Variants in CRACDL observed in about 807,000 individuals in gnomAD.
CRACDL encodes CRACD like.
A neutral mutation model predicts 70.6 loss-of-function variants in CRACDL; 26 were observed. The ratio of observed to expected loss-of-function variants is 0.37; its 90% CI spans 0.27 to 0.51. The LOEUF (loss-of-function observed/expected upper bound fraction) is 0.51, where lower values mean the gene tolerates loss of function less well. Ranked by LOEUF, CRACDL falls within the 20% of genes least tolerant of loss-of-function variation. The pLI, the probability that CRACDL is intolerant of heterozygous loss-of-function variation, is 0.94. For missense variants in CRACDL, 1,283 were observed against 1,376.9 expected, an observed-to-expected ratio of 0.93 and a Z score of 1.08; for synonymous variants, 618 against 615.2, an observed-to-expected ratio of 1.00 and a Z score of -0.07.
intron 1 of CRACDL, among the ~76,000 whole-genome samples, chr2:98,925,975 T>C (rs1708901551): frequency 6.6e-6 from 1 of 152,168 alleles, no homozygotes; most frequent in Non-Finnish European, 1.5e-5. Context: ...GCCTGGATTA[T>C]CCAGTATTTA....
intron 7 of CRACDL, among the ~76,000 whole-genome samples, chr2:98,817,147 T>C (rs982064927): frequency 3.3e-5 from 5 of 152,026 alleles, no homozygotes; most frequent in Admixed American, 6.6e-5. Flanking sequence ...AAATCTAAAA[T>C]AGTCAAATTC....
chr2:98,930,119 C>T (rs1453519940), intron 1 of CRACDL, among the ~76,000 whole-genome samples: 1 of 152,086 alleles, frequency 6.6e-6, no homozygotes, highest in Non-Finnish European at 1.5e-5. Flanking sequence ...AGAACCATCC[C>T]TGTGTCTCTC....
intron 1 of CRACDL, among the ~76,000 whole-genome samples, chr2:98,934,074 C>G (rs1191793078): frequency 6.6e-6 from 1 of 152,140 alleles, no homozygotes; most frequent in African/African-American, 2.4e-5. Context: ...CTCTTAATAC[C>G]ATCACCTTGA....
At chr2:98,893,066 G>A (rs1377206011) in intron 1 of CRACDL, among the ~76,000 whole-genome samples, 1 of 152,184 alleles carries the variant, frequency 6.6e-6, no homozygotes, top group African/African-American at 2.4e-5. Flanking sequence ...CTTCGGCCCA[G>A]AAAGGCCCTT....
chr2:98,822,955 C>G lies in CRACDL; in HGVS notation c.1318G>C (p.Glu440Gln), dbSNP rs2104469783. 3 of 1,464,870 alleles carry G rather than the reference C, an allele frequency of 2.0e-6. No individual in the cohort carries two copies. The highest frequency in any genetic ancestry group is 2.8e-5 in the South Asian group (2 of 72,496). The allele number at this position is 1,464,870 out of a possible 1,614,324, so 90.7% of individuals were successfully genotyped here. A position where few individuals can be genotyped will look rare whatever the true frequency, so the allele number is the denominator to read the frequency against. ...GPERSVPKEA[E>Q]PTPPVLPDEE... ...TCCGGGAGCACGGGCGGCGTCGGCTCCGCTTCCTTCGGGACACTGCGTTCT... is the reference window on the plus strand; with the variant it reads ...TCCGGGAGCACGGGCGGCGTCGGCTGCGCTTCCTTCGGGACACTGCGTTCT... Residue 440 changes from glutamate to glutamine, a missense_variant, in exon 7 of 10, where the codon GAG becomes CAG. Physicochemically the swap from Glu to Gln is conservative, Grantham distance 29 (BLOSUM62 2). Around this residue, in one of 2 missense-constraint regions of CRACDL, gnomAD observed 921 missense variants for 881.9 expected, o/e 1.04. Transcript: ENST00000397899. This position sits in a 1 kb window ranked among gnomAD's most constrained non-coding sequence, Gnocchi z 4.9.
intron 1 of CRACDL, among the ~76,000 whole-genome samples, chr2:98,935,000 A>G (rs894261709): frequency 6.6e-6 from 1 of 152,126 alleles, no homozygotes; most frequent in African/African-American, 2.4e-5. Context: ...TATAACCTCA[A>G]TAGGTTCTTA....
chr2:98,809,106 G>C (rs1322300123), intron 7 of CRACDL, among the ~76,000 whole-genome samples: 1 of 152,170 alleles, frequency 6.6e-6, no homozygotes, highest in Non-Finnish European at 1.5e-5. Flanking sequence ...TTTTAATTCA[G>C]TAATTAAAAT....
At chr2:98,917,814 T>A (rs916504168) in intron 1 of CRACDL, among the ~76,000 whole-genome samples, 16 of 152,208 alleles carry the variant, frequency 1.1e-4, no homozygotes, top group African/African-American at 3.9e-4. Context: ...TGTCTATCAT[T>A]CCACGCTCTA....
chr2:98,806,112 G>C (rs184974672), intron 7 of CRACDL, among the ~76,000 whole-genome samples: 3 of 152,320 alleles, frequency 2.0e-5, no homozygotes, highest in Admixed American at 6.5e-5. Flanking sequence ...GGGGTGGGGT[G>C]AGTGTCAGTC....
chr2:98,818,924 A>G (rs1438076036), intron 7 of CRACDL, among the ~76,000 whole-genome samples: 4 of 152,180 alleles, frequency 2.6e-5, no homozygotes, highest in Non-Finnish European at 4.4e-5. Context: ...TCCCTATAGA[A>G]TGTGGGTAAT....
At chr2:98,812,377 G>A (rs903069898) in intron 7 of CRACDL, among the ~76,000 whole-genome samples, 3 of 152,190 alleles carry the variant, frequency 2.0e-5, no homozygotes, top group Non-Finnish European at 2.9e-5. Flanking sequence ...AAGTGGAATT[G>A]CTGGGTCATA....
chr2:98,802,857 A>G (rs1470002175), intron 7 of CRACDL, among the ~76,000 whole-genome samples: 1 of 152,256 alleles, frequency 6.6e-6, no homozygotes, highest in Non-Finnish European at 1.5e-5. Context: ...GGCTGAGGAT[A>G]TAAAGCACAG....
chr2:98,845,048 T>C (rs1559230056), intron 2 of CRACDL, among the ~76,000 whole-genome samples: 2 of 152,182 alleles, frequency 1.3e-5, no homozygotes, highest in Non-Finnish European at 2.9e-5. Flanking sequence ...TATACAGGCC[T>C]TGTCGTTTGA....
intron 1 of CRACDL, among the ~76,000 whole-genome samples, chr2:98,865,486 T>A (rs983474161): frequency 6.6e-5 from 10 of 152,118 alleles, no homozygotes; most frequent in Non-Finnish European, 1.2e-4. Context: ...AATCAATTTT[T>A]CCCTTTCCTG....
chr2:98,915,453 C>T (rs1192608382), intron 1 of CRACDL, among the ~76,000 whole-genome samples: 6 of 152,194 alleles, frequency 3.9e-5, no homozygotes, highest in Middle Eastern at 3.4e-3. Flanking sequence ...CAGGGATGCC[C>T]GGGGACTGGT....
rs1366553004 is a variant in CRACDL, at chr2:98,823,948, CAG to C, written c.736-413_736-412del. On this transcript the variant is annotated intron_variant, in intron 6 of 9. Coordinates refer to ENST00000397899, the MANE Select transcript of CRACDL (RefSeq NM_207362.3). The surrounding 1 kb of genome is among the most constrained non-coding windows in gnomAD (Gnocchi z 4.0). Reference sequence around the variant, plus strand: ...TTTTTGCACTTGAGAGCCAGGAACTCAGAGAGGCCAATACCTTGTTCAAGCCT... The same window carrying C: ...TTTTTGCACTTGAGAGCCAGGAACTCAGAGGCCAATACCTTGTTCAAGCCT... Among the ~76,000 whole-genome samples, 2 of 152,208 alleles carry C rather than the reference CAG, an allele frequency of 1.3e-5. No individual in the cohort carries two copies. The highest frequency in any genetic ancestry group is 2.9e-5 in the Non-Finnish European group (2 of 68,044).
intron 1 of CRACDL, among the ~76,000 whole-genome samples, chr2:98,877,196 C>A (rs186923952): frequency 1.3e-3 from 201 of 152,300 alleles, no homozygotes; most frequent in African/African-American, 4.7e-3. Context: ...CTGGGTTCTA[C>A]CCTCGACTTT....
chr2:98,795,164 C>T (rs1703765661), intron 9 of CRACDL, among the ~76,000 whole-genome samples: 1 of 147,250 alleles, frequency 6.8e-6, no homozygotes, highest in African/African-American at 2.5e-5. Context: ...CAATCTCTGC[C>T]TCCCGGGTTC....
chr2:98,881,153 C>G (rs1394214567), intron 1 of CRACDL, among the ~76,000 whole-genome samples: 1 of 152,164 alleles, frequency 6.6e-6, no homozygotes, highest in Non-Finnish European at 1.5e-5. Flanking sequence ...GGAGGCAGCC[C>G]TGTAGGACCA....
Sources: gnomAD v4.1 joint callset for allele counts (sites outside exome capture counted in the v4.1 genomes callset) on GRCh38, gnomAD v4.1.1 for gene constraint, gnomAD v4.1.1 regional missense constraint, Gnocchi (gnomAD v3.1) non-coding constraint, MANE v1.5 for transcripts, NCBI Gene and HGNC (gene_info 2026-07-23, HGNC 2026-07-21) for gene names.